The following DGKG variants were observed in gnomAD, a reference collection of about 807,000 sequenced individuals.
DGKG encodes the protein diacylglycerol kinase gamma, also known as DAG kinase gamma.
Under a neutral mutation model 105.3 loss-of-function variants are expected in DGKG, and 78 were observed. That is an observed-to-expected ratio of 0.74 (90% CI 0.62 to 0.89). The LOEUF (loss-of-function observed/expected upper bound fraction) is 0.89, where lower values mean the gene tolerates loss of function less well. DGKG is among the 40% of genes least tolerant of loss of function. The probability of loss-of-function intolerance (pLI) is 0.00; values close to 1 mark genes in which losing one functional copy is unlikely to be tolerated. For missense variants in DGKG, 958 were observed against 1,020.1 expected (o/e 0.94, Z 0.83); for synonymous variants, 346 against 367.1 (o/e 0.94, Z 0.66).
At chr3:186,319,248 G>A (rs761045538) in intron 2 of DGKG, among the ~76,000 whole-genome samples, 7 of 152,126 alleles carry the variant, frequency 4.6e-5, no homozygotes, top group Non-Finnish European at 8.8e-5. Context: ...GAGAGCATTC[G>A]GAGTCACAGG....
chr3:186,255,814 G>T (rs866611549), intron 17 of DGKG, among the ~76,000 whole-genome samples: 3 of 152,186 alleles, frequency 2.0e-5, no homozygotes, highest in Non-Finnish European at 2.9e-5. Flanking sequence ...GGGACCATGG[G>T]GGGGCGCTGC....
chr3:186,297,692 C>T (rs1394035816), intron 4 of DGKG, among the ~76,000 whole-genome samples: 1 of 152,118 alleles, frequency 6.6e-6, no homozygotes, highest in African/African-American at 2.4e-5. Flanking sequence ...ATCATGGCTT[C>T]CCTCTCCTCT....
At position 186,161,175 on chromosome 3, in the gene DGKG, C is replaced by A; in HGVS notation, c.2277+428G>T. On this transcript the variant is annotated intron_variant, in intron 24 of 24. Coordinates refer to ENST00000265022, the MANE Select transcript of DGKG (RefSeq NM_001346.3). The stretch of plus-strand genomic sequence containing the variant: ...GTCAAAGGCGCTACCCTACCAAATT[C>A]TAGGTAAGGTAAGTGTGTAGATTTG... 3.0e-6 allele frequency: 3 copies of A among 992,468 alleles called. No individual in the cohort carries two copies. The African/African-American group carries it at 5.2e-5, about 17-fold the overall frequency. 61.5% of individuals were successfully genotyped at this position (992,468 alleles called of 1,614,324 possible).
intron 24 of DGKG, among the ~76,000 whole-genome samples, chr3:186,150,842 A>G (rs1222848487): frequency 6.6e-6 from 1 of 152,228 alleles, no homozygotes; most frequent in Non-Finnish European, 1.5e-5. Context: ...CAGAAGTGAA[A>G]GACACTGATG....
At chr3:186,297,990 G>A in intron 4 of DGKG, 74 bp downstream of exon 4, 1 of 1,509,698 alleles carries the variant, frequency 6.6e-7, no homozygotes, top group Non-Finnish European at 8.9e-7. Context: ...GACCCTCTAG[G>A]AATGCAGTCT....
intron 22 of DGKG, among the ~76,000 whole-genome samples, chr3:186,187,367 G>C (rs1717691667): frequency 6.6e-6 from 1 of 152,242 alleles, no homozygotes. Flanking sequence ...TGGACTGGCT[G>C]TGAGCCGTGA....
Position 186,188,316 on chromosome 3 carries a change from G to A in DGKG, c.1981C>T (p.Pro661Ser), listed in dbSNP as rs750796251. The change falls in exon 22 of 25, where the codon CCC becomes TCC. Residue 661 changes from proline (P) to serine (S), a missense_variant. Pro to Ser is a moderately conservative substitution (Grantham distance 74, BLOSUM62 -1). Transcript: ENST00000265022. Reference sequence around the variant, plus strand: ...AGATTGGTGCCTCCGTACATGCTGGGAATGTTGAGAATGGCAATGCCTTCC... The same window carrying A: ...AGATTGGTGCCTCCGTACATGCTGGAAATGTTGAGAATGGCAATGCCTTCC... ...FLEGIAILNI[P>S]SMYGGTNLWG... The A allele has an allele frequency of 1.2e-6, 2 of 1,614,040 alleles. No individual in the cohort carries two copies. Among genetic ancestry groups the A allele is most frequent in the African/African-American group, 1.3e-5 (1 of 74,908 alleles).
intron 1 of DGKG, among the ~76,000 whole-genome samples, chr3:186,349,085 A>T (rs550204828): frequency 6.6e-6 from 1 of 152,084 alleles, no homozygotes; most frequent in East Asian, 1.9e-4. Context: ...TTAAAAAAAA[A>T]AATTAGAGAC....
At chr3:186,307,608 T>C (rs1724311709) in intron 2 of DGKG, among the ~76,000 whole-genome samples, 1 of 152,240 alleles carries the variant, frequency 6.6e-6, no homozygotes, top group African/African-American at 2.4e-5. Context: ...ATCTTGCTCA[T>C]CTCCTGCTTC....
At chr3:186,352,977 T>A (rs918716960) in intron 1 of DGKG, among the ~76,000 whole-genome samples, 2 of 152,178 alleles carry the variant, frequency 1.3e-5, no homozygotes, top group African/African-American at 4.8e-5. Flanking sequence ...CCTGTCCACA[T>A]TTCCAGACTC....
In DGKG at chr3:186,320,473, G is replaced by T. The variant is rs762936281; in HGVS notation, c.-14C>A. On this transcript the variant is annotated 5_prime_UTR_variant, in exon 2 of 25. Coordinates refer to ENST00000265022, the MANE Select transcript of DGKG (RefSeq NM_001346.3). ...TTCTTCACCCATTTTTAAACTTTAT[G>T]TGAGTGGCTAAAGGGCAGTGATGGA... 6.2e-7 allele frequency: 1 copy of T among 1,614,158 alleles called. No homozygotes were observed. Among genetic ancestry groups the T allele is most frequent in the South Asian group, 1.1e-5 (1 of 91,080 alleles).
chr3:186,201,722 A>T (rs557921113), intron 21 of DGKG, among the ~76,000 whole-genome samples: 83 of 152,274 alleles, frequency 5.5e-4, no homozygotes, highest in African/African-American at 1.9e-3. Context: ...TGGCCAAGTG[A>T]TCATTGCTAA....
intron 22 of DGKG, among the ~76,000 whole-genome samples, chr3:186,184,701 G>A (rs2108497712): frequency 6.6e-6 from 1 of 152,146 alleles, no homozygotes; most frequent in South Asian, 2.1e-4. Flanking sequence ...CGCCCGGCCT[G>A]ATGAGAGATT....
chr3:186,227,998 A>G (rs945098574), intron 20 of DGKG, among the ~76,000 whole-genome samples: 7 of 152,314 alleles, frequency 4.6e-5, no homozygotes, highest in African/African-American at 1.7e-4. Flanking sequence ...AAACTCTGAC[A>G]TTATTTTTTC....
intron 5 of DGKG, among the ~76,000 whole-genome samples, chr3:186,292,663 G>A (rs9854782): frequency 0.03 from 4,132 of 139,564 alleles, 201 homozygotes; most frequent in African/African-American, 0.098. Flanking sequence ...GCGTGGTGGC[G>A]GGTGCCTGTA....
At position 186,308,293 on chromosome 3, in the gene DGKG, A is replaced by G. The variant is rs566944602; in HGVS notation, c.68-1316T>C. On this transcript the variant is annotated intron_variant, in intron 2 of 24. Transcript: ENST00000265022. ...ACTCAATAATTGTTATTAAAAACAC[A>G]TTATGAATGCATCTTGTGCAGCTAT... 1.6e-4 allele frequency among the ~76,000 whole-genome samples: 24 copies of G among 152,352 alleles called. 1 individual carries two copies. Among genetic ancestry groups the G allele is most frequent in the Admixed American group, 1.3e-3 (20 of 15,302 alleles).
chr3:186,169,011 T>C (rs1716691668), intron 22 of DGKG, among the ~76,000 whole-genome samples: 1 of 152,210 alleles, frequency 6.6e-6, no homozygotes, highest in Admixed American at 6.6e-5. Context: ...TTTCTTGGTA[T>C]TGATCATGAA....
intron 5 of DGKG, among the ~76,000 whole-genome samples, chr3:186,292,773 A>C (rs1380178168): frequency 1.3e-5 from 2 of 151,980 alleles, no homozygotes; most frequent in South Asian, 2.1e-4. Context: ...GTGCCACTGC[A>C]CTCCAGCCTG....
In DGKG at chr3:186,275,786, T is replaced by C. The variant is rs577826798; in HGVS notation, c.793-122A>G. On this transcript the variant is annotated intron_variant, in intron 9 of 24. Transcript: ENST00000265022. ...TAGAAGATGAGTTATTGATATTTTT[T>C]ACTGTTTTAAATACAAATAAAAACA... The C allele has an allele frequency of 5.6e-5, 36 of 646,496 alleles. No individual in the cohort carries two copies. The East Asian group carries it at 1.0e-3, about 19-fold the overall frequency. The allele number at this position is 646,496 out of a possible 1,614,324, so 40.0% of individuals were successfully genotyped here. A position where few individuals can be genotyped will look rare whatever the true frequency, so the allele number is the denominator to read the frequency against.
Sources: gnomAD v4.1 joint callset for allele counts (sites outside exome capture counted in the v4.1 genomes callset) on GRCh38, gnomAD v4.1.1 for gene constraint, MANE v1.5 for transcripts, NCBI Gene and HGNC (gene_info 2026-07-23, HGNC 2026-07-21) for gene names.